TMEM117: variants seen among roughly 807,000 people sequenced by gnomAD.
TMEM117 encodes transmembrane protein 117.
In TMEM117, 27 loss-of-function variants were observed where a neutral mutation model predicts 52.4. That is an observed-to-expected ratio of 0.51 (90% CI 0.38 to 0.71). The LOEUF (loss-of-function observed/expected upper bound fraction) is 0.71, where lower values mean the gene tolerates loss of function less well. Among genes scored for constraint, TMEM117 ranks in the 30% least tolerant of loss-of-function variants. The probability of loss-of-function intolerance (pLI) is 0.00; values close to 1 mark genes in which losing one functional copy is unlikely to be tolerated. For synonymous variants in TMEM117, 215 were observed against 206.3 expected, an observed-to-expected ratio of 1.04 and a Z score of -0.36; for missense variants, 556 against 630.5, an observed-to-expected ratio of 0.88 and a Z score of 1.26.
At chr12:44,190,276 T>G (rs190509904) in intron 4 of TMEM117, among the ~76,000 whole-genome samples, 2 of 152,360 alleles carry the variant, frequency 1.3e-5, no homozygotes, top group African/African-American at 4.8e-5. Context: ...GAATTTCTTA[T>G]GCTATTAAGC....
At chr12:44,115,058 C>T (rs1948115473) in intron 3 of TMEM117, among the ~76,000 whole-genome samples, 1 of 152,126 alleles carries the variant, frequency 6.6e-6, no homozygotes, top group African/African-American at 2.4e-5. Flanking sequence ...TGAACTATTT[C>T]AGGATTGGCA....
chr12:43,803,294 A>G, the TMEM117 span, among the ~76,000 whole-genome samples: 1 of 152,180 alleles, frequency 6.6e-6, no homozygotes, highest in East Asian at 1.9e-4. Context: ...ATACATGTAA[A>G]AACAGACTGC....
chr12:43,988,806 C>T (rs945171702), intron 3 of TMEM117, among the ~76,000 whole-genome samples: 2 of 151,984 alleles, frequency 1.3e-5, no homozygotes, highest in African/African-American at 4.8e-5. Flanking sequence ...TCTGAATGAT[C>T]GTTGGTATTT....
At chr12:43,935,642 G>A (rs187582235) in intron 2 of TMEM117, among the ~76,000 whole-genome samples, 3 of 152,166 alleles carry the variant, frequency 2.0e-5, no homozygotes, top group South Asian at 2.1e-4. Flanking sequence ...CATAAATCTC[G>A]GAATTGGTCT....
chr12:44,030,850 C>T (rs553508880), intron 3 of TMEM117, among the ~76,000 whole-genome samples: 1 of 151,804 alleles, frequency 6.6e-6, no homozygotes, highest in African/African-American at 2.4e-5. Flanking sequence ...AAAAGAAATT[C>T]TGTGTGTGAA....
intron 3 of TMEM117, among the ~76,000 whole-genome samples, chr12:44,018,457 C>T (rs752697048): frequency 2.6e-5 from 4 of 152,080 alleles, no homozygotes; most frequent in Non-Finnish European, 4.4e-5. Flanking sequence ...AGATGAAACA[C>T]ATTTGAAGTA....
At chr12:43,876,669 C>G (rs1943802120) in intron 2 of TMEM117, among the ~76,000 whole-genome samples, 1 of 152,152 alleles carries the variant, frequency 6.6e-6, no homozygotes, top group Non-Finnish European at 1.5e-5. Flanking sequence ...CCACTTTCTT[C>G]CTGCCTCATA....
At chr12:44,154,887 C>T (rs1948806121) in intron 4 of TMEM117, among the ~76,000 whole-genome samples, 1 of 151,850 alleles carries the variant, frequency 6.6e-6, no homozygotes, top group South Asian at 2.1e-4. Context: ...AATGCCATTG[C>T]TATCTTTCTA....
At chr12:44,182,333 G>A (rs1949213550) in intron 4 of TMEM117, among the ~76,000 whole-genome samples, 1 of 152,064 alleles carries the variant, frequency 6.6e-6, no homozygotes, top group Admixed American at 6.5e-5. Flanking sequence ...TTTCCTAATG[G>A]AATACCCTTT....
At chr12:44,211,501 A>G in intron 5 of TMEM117, 114 bp downstream of exon 5, 2 of 668,130 alleles carry the variant, frequency 3.0e-6, no homozygotes, top group Admixed American at 3.0e-5. Flanking sequence ...CATTTTTGGT[A>G]GCTACTATGC....
At chr12:43,872,278 C>T (rs534001296) in intron 2 of TMEM117, among the ~76,000 whole-genome samples, 27 of 152,210 alleles carry the variant, frequency 1.8e-4, no homozygotes, top group African/African-American at 6.3e-4. Context: ...GGCTTATATC[C>T]TGTAGTAATC....
chr12:44,316,086 A>G (rs1272536086), intron 6 of TMEM117, among the ~76,000 whole-genome samples: 2 of 152,148 alleles, frequency 1.3e-5, no homozygotes, highest in Non-Finnish European at 2.9e-5. Flanking sequence ...TAATATTGTC[A>G]TGTGTGGTTT....
intron 4 of TMEM117, among the ~76,000 whole-genome samples, chr12:44,192,488 A>C (rs1263425503): frequency 6.6e-6 from 1 of 152,218 alleles, no homozygotes; most frequent in Non-Finnish European, 1.5e-5. Context: ...TGTGAAATAA[A>C]GATTGTCAAA....
chr12:44,128,569 TA>T (rs769267024), intron 3 of TMEM117, among the ~76,000 whole-genome samples: 1 of 152,214 alleles, frequency 6.6e-6, no homozygotes, highest in Non-Finnish European at 1.5e-5. Flanking sequence ...CAGCTGCCTT[TA>T]AGTTCCATTG....
intron 2 of TMEM117, among the ~76,000 whole-genome samples, chr12:43,912,376 T>C (rs1237902131): frequency 3.3e-5 from 5 of 151,494 alleles, no homozygotes; most frequent in Non-Finnish European, 5.9e-5. Flanking sequence ...AGGGATAGCA[T>C]TGGGAGATAT....
chr12:44,015,993 C>G (rs1362691904), intron 3 of TMEM117, among the ~76,000 whole-genome samples: 2 of 152,188 alleles, frequency 1.3e-5, no homozygotes, highest in African/African-American at 4.8e-5. Context: ...GTTGCAATCT[C>G]TGTGTCTCAA....
chr12:43,953,634 C>T (rs933280404), intron 3 of TMEM117, among the ~76,000 whole-genome samples: 1 of 152,116 alleles, frequency 6.6e-6, no homozygotes, highest in African/African-American at 2.4e-5. Flanking sequence ...AATACAGGAG[C>T]ACCCAGATTA....
At chr12:43,946,489 A>T (rs1186163256) in intron 3 of TMEM117, among the ~76,000 whole-genome samples, 1 of 151,854 alleles carries the variant, frequency 6.6e-6, no homozygotes, top group Non-Finnish European at 1.5e-5. Context: ...AATTAAATGC[A>T]ATAAGTAATT....
chr12:44,220,195 G>T (rs1435520186), intron 5 of TMEM117, among the ~76,000 whole-genome samples: 1 of 152,136 alleles, frequency 6.6e-6, no homozygotes, highest in Non-Finnish European at 1.5e-5. Flanking sequence ...ATTCTAGTTG[G>T]TAGAGTTATT....
Sources: allele counts gnomAD v4.1 joint callset (sites outside exome capture counted in the v4.1 genomes callset), GRCh38; gene constraint gnomAD v4.1.1; transcripts MANE v1.5; gene names NCBI Gene and HGNC (gene_info 2026-07-23, HGNC 2026-07-21).